CAGE1: variants seen among roughly 807,000 people sequenced by gnomAD.
The protein encoded by CAGE1 is cancer antigen 1.
In CAGE1, 66 loss-of-function variants were observed where a neutral mutation model predicts 94.9. That is an observed-to-expected ratio of 0.70 (90% CI 0.57 to 0.85). CAGE1 has a LOEUF of 0.85. Ranked by LOEUF, CAGE1 falls within the 40% of genes least tolerant of loss-of-function variation. The pLI, the probability that CAGE1 is intolerant of heterozygous loss-of-function variation, is 0.00. For missense variants in CAGE1, 865 were observed against 950.4 expected (o/e 0.91, Z 1.18); for synonymous variants, 319 against 321.0 (o/e 0.99, Z 0.07).
chr6:7,365,961 C>A, intron 7 of CAGE1, 77 bp from the exon 8 acceptor site: 1 of 923,928 alleles, frequency 1.1e-6, no homozygotes, highest in Non-Finnish European at 1.6e-6. Context: ...AATAATCAAA[C>A]CGGGCCGGGC....
chr6:7,371,209 A>C (rs1760527886), intron 5 of CAGE1, among the ~76,000 whole-genome samples: 1 of 152,174 alleles, frequency 6.6e-6, no homozygotes, highest in Non-Finnish European at 1.5e-5. Flanking sequence ...AGAATTACTG[A>C]ATCAGAAACT....
intron 4 of CAGE1, among the ~76,000 whole-genome samples, chr6:7,377,158 C>A (rs1760774602): frequency 6.6e-6 from 1 of 152,148 alleles, no homozygotes; most frequent in African/African-American, 2.4e-5. Flanking sequence ...AGAACTACAT[C>A]TTTTTGTCTA....
At chr6:7,337,103 A>T (rs1020616811) in intron 11 of CAGE1, among the ~76,000 whole-genome samples, 2 of 152,038 alleles carry the variant, frequency 1.3e-5, no homozygotes, top group Non-Finnish European at 2.9e-5. Context: ...TGGGTGGATC[A>T]TGAGGTCAGG....
At chr6:7,338,073 G>T (rs1759028569) in intron 11 of CAGE1, among the ~76,000 whole-genome samples, 1 of 151,860 alleles carries the variant, frequency 6.6e-6, no homozygotes. Context: ...TTATATTTTT[G>T]GTGCTATCAG....
At chr6:7,370,125 A>T (rs1760491428) in intron 5 of CAGE1, 60 bp from the exon 6 acceptor site, 1 of 1,348,896 alleles carries the variant, frequency 7.4e-7, no homozygotes, top group South Asian at 1.5e-5. Context: ...ATATCTTTTA[A>T]GTAAAATGCT....
Position 7,353,748 on chromosome 6 carries a change from A to G in CAGE1, c.2369+1293T>C, listed in dbSNP as rs188724059. 8.3e-4 allele frequency among the ~76,000 whole-genome samples: 125 copies of G among 150,792 alleles called. 1 individual carries two copies. Among genetic ancestry groups the G allele is most frequent in the African/African-American group, 2.9e-3 (121 of 41,092 alleles). On this transcript the variant is annotated intron_variant, in intron 11 of 13. Transcript: ENST00000502583. The stretch of plus-strand genomic sequence containing the variant: ...ACACACACACACACACACACGATGG[A>G]ATACTACTCAGCCATAAAAAGGAAT...
intron 11 of CAGE1, among the ~76,000 whole-genome samples, chr6:7,348,607 T>C (rs1417768008): frequency 6.6e-6 from 1 of 152,150 alleles, no homozygotes; most frequent in Non-Finnish European, 1.5e-5. Context: ...AGGTTAGTTA[T>C]TAAGCTAATC....
chr6:7,347,864 C>T (rs1759620478), intron 11 of CAGE1, among the ~76,000 whole-genome samples: 1 of 152,058 alleles, frequency 6.6e-6, no homozygotes, highest in Non-Finnish European at 1.5e-5. Flanking sequence ...AGGTACACAA[C>T]TCCAGTGACC....
chr6:7,385,037 C>G (rs1761070727), intron 3 of CAGE1, among the ~76,000 whole-genome samples: 1 of 151,588 alleles, frequency 6.6e-6, no homozygotes, highest in African/African-American at 2.4e-5. Context: ...TGGAGTTTCG[C>G]TCTTGTTGCC....
chr6:7,329,869 G>A lies in CAGE1; in HGVS notation c.2458C>T (p.His820Tyr). The change falls in exon 13 of 14, where the codon CAT (histidine) becomes TAT (tyrosine). Residue 820 changes from histidine to tyrosine, a missense_variant. By Grantham distance (83) the His-to-Tyr change is moderately conservative. Transcript: ENST00000502583. ...CCTACCATGGTCATGGACTTCGGAT[G>A]ATTTTCTAAGCTTTTTGATCTGTAA... is the stretch of plus-strand genomic sequence containing the variant. ...RKPRSKSLEN[H>Y]PKSMTMMPAL... 1 of 1,458,366 alleles carries A rather than the reference G, an allele frequency of 6.9e-7. No individual in the cohort carries two copies. Among genetic ancestry groups the A allele is most frequent in the South Asian group, 1.2e-5 (1 of 82,972 alleles). The allele number at this position is 1,458,366 out of a possible 1,614,324, so 90.3% of individuals were successfully genotyped here. A position where few individuals can be genotyped will look rare whatever the true frequency, so the allele number is the denominator to read the frequency against.
intron 1 of CAGE1, among the ~76,000 whole-genome samples, chr6:7,388,572 G>C (rs888839933): frequency 2.8e-4 from 43 of 152,186 alleles, no homozygotes; most frequent in Admixed American, 2.5e-3. Context: ...TGTCTACACA[G>C]CAAATATTGA....
intron 11 of CAGE1, among the ~76,000 whole-genome samples, chr6:7,337,061 A>T (rs896409647): frequency 1.3e-5 from 2 of 151,846 alleles, no homozygotes; most frequent in African/African-American, 4.8e-5. Context: ...GGTGGCTCAC[A>T]CCTGTAATCC....
chr6:7,383,036 G>A lies in CAGE1; in HGVS notation c.283+2749C>T, dbSNP rs191866867. Reference sequence around the variant, plus strand: ...ACGTATTGAGGGAGGGACCTGGTGGGAGGCAATTAAATCATGGGAACGGTT... The same window carrying A: ...ACGTATTGAGGGAGGGACCTGGTGGAAGGCAATTAAATCATGGGAACGGTT... On this transcript the variant is annotated intron_variant, in intron 3 of 13. Coordinates refer to ENST00000502583, the MANE Select transcript of CAGE1 (RefSeq NM_001170692.2). 1.4e-3 allele frequency among the ~76,000 whole-genome samples: 211 copies of A among 152,278 alleles called. 1 individual carries two copies. The highest frequency in any genetic ancestry group is 4.8e-3 in the African/African-American group (199 of 41,536).
chr6:7,373,390 T>C lies in CAGE1; in HGVS notation c.1429A>G (p.Lys477Glu). 9 of 1,613,858 alleles carry C rather than the reference T, an allele frequency of 5.6e-6. No individual in the cohort carries two copies. Among genetic ancestry groups the C allele is most frequent in the Middle Eastern group, 3.3e-4 (2 of 6,062 alleles). The change falls in exon 5 of 14, where the codon AAA becomes GAA. Residue 477 changes from lysine to glutamate, a missense_variant. Transcript: ENST00000502583. ...ASALDLLKRE[K>E]EAQEQEFLSL... ...AAGAACTCTTGTTCTTGGGCCTCTT[T>C]TTCCCGTTTCAACAAGTCCAAAGCA...
chr6:7,375,169 A>G (rs6908853), intron 4 of CAGE1, among the ~76,000 whole-genome samples: 81,472 of 151,866 alleles, frequency 0.54, 24,576 homozygotes, highest in African/African-American at 0.83. Context: ...CCAGTACTTC[A>G]GGAGGCTGAG....
intron 11 of CAGE1, among the ~76,000 whole-genome samples, chr6:7,344,673 G>A (rs1759358568): frequency 6.6e-6 from 1 of 152,238 alleles, no homozygotes; most frequent in Non-Finnish European, 1.5e-5. Flanking sequence ...GAAGCCAGCT[G>A]AGCTTCTGAG....
In CAGE1 at chr6:7,369,920, T is replaced by C. The variant is rs45502393; in HGVS notation, c.1892A>G (p.Gln631Arg). 333 of 1,607,882 alleles carry C rather than the reference T, an allele frequency of 2.1e-4. No individual in the cohort carries two copies. The highest frequency in any genetic ancestry group is 2.8e-4 in the Non-Finnish European group (329 of 1,178,296). ...LALMVGLLTC[Q>R]DIINSDAEHF... ...TATCTAATATATATGTTTTATTACC[T>C]GGCATGTGAGAAGTCCCACCATCAG... The change falls in exon 6 of 14, where the codon CAG becomes CGG. Residue 631 changes from glutamine to arginine, a missense_variant and splice_region_variant. Transcript: ENST00000502583.
intron 11 of CAGE1, among the ~76,000 whole-genome samples, chr6:7,340,021 T>C (rs970816153): frequency 7.9e-5 from 12 of 152,236 alleles, no homozygotes; most frequent in Admixed American, 7.8e-4. Context: ...GTTATACTAG[T>C]TTACTTTTCC....
intron 11 of CAGE1, 67 bp downstream of exon 11, chr6:7,354,974 T>C: frequency 8.4e-7 from 1 of 1,190,500 alleles, no homozygotes. Context: ...AAAAAAAGAA[T>C]TTAGAATCCA....
Sources: allele counts gnomAD v4.1 joint callset (sites outside exome capture counted in the v4.1 genomes callset), GRCh38; gene constraint gnomAD v4.1.1; transcripts MANE v1.5; gene names NCBI Gene and HGNC (gene_info 2026-07-23, HGNC 2026-07-21).